The following MAP3K9 variants were observed in gnomAD, a reference collection of about 807,000 sequenced individuals.
MAP3K9 encodes the protein mitogen-activated protein kinase kinase kinase 9, also known as mixed lineage kinase 1 (tyr and ser/thr specificity).
In MAP3K9, 46 loss-of-function variants were observed where a neutral mutation model predicts 95.8. The observed-to-expected ratio is 0.48, with a 90% CI of 0.38 to 0.61. The LOEUF is 0.61. MAP3K9 is among the 20% of genes least tolerant of loss of function. MAP3K9 has a pLI of 0.00. For synonymous variants in MAP3K9, 533 were observed against 593.8 expected (o/e 0.90, Z 1.49); for missense variants, 1,296 against 1,474.3 (o/e 0.88, Z 1.98).
chr14:70,793,443 T>C (rs2054828448), intron 2 of MAP3K9, among the ~76,000 whole-genome samples: 1 of 152,036 alleles, frequency 6.6e-6, no homozygotes, highest in Non-Finnish European at 1.5e-5. Flanking sequence ...TTCCAACAGT[T>C]TGGGAGACCA....
chr14:70,728,582 G>A lies in MAP3K9; in HGVS notation c.*1798C>T, dbSNP rs527656781. The A allele has an allele frequency of 7.9e-5, 12 of 152,320 alleles. No homozygotes were observed. Among genetic ancestry groups the A allele is most frequent in the Admixed American group, 7.2e-4 (11 of 15,296 alleles). 9.4% of individuals were successfully genotyped at this position (152,320 alleles called of 1,614,324 possible). A position where few individuals can be genotyped will look rare whatever the true frequency, so the allele number is the denominator to read the frequency against. Reference sequence around the variant, plus strand: ...ACATATTGGCTTCACTGAACAAAGAGAAGGACACAGAAGAGAAGCAATAAC... The same window carrying A: ...ACATATTGGCTTCACTGAACAAAGAAAAGGACACAGAAGAGAAGCAATAAC... On this transcript the variant is annotated 3_prime_UTR_variant, in exon 12 of 12. Transcript: ENST00000554752.
Position 70,732,861 on chromosome 14 carries a change from G to A in MAP3K9, c.2508C>T (p.Ser836=), listed in dbSNP as rs1434272160. 2 of 1,613,884 alleles carry A rather than the reference G, an allele frequency of 1.2e-6. No homozygotes were observed. The highest frequency in any genetic ancestry group is 1.7e-6 in the Non-Finnish European group (2 of 1,179,862). Residue 836 remains serine, a synonymous_variant, in exon 11 of 12, where the codon TCC becomes TCT. Coordinates refer to ENST00000554752, the MANE Select transcript of MAP3K9 (RefSeq NM_001284230.2). Reference sequence around the variant, plus strand: ...AGTTGCACTCGGAGATGGAGGAGAGGGAGAGCAGCGTCAGGGAGGCAGAGG... The same window carrying A: ...AGTTGCACTCGGAGATGGAGGAGAGAGAGAGCAGCGTCAGGGAGGCAGAGG... ...GDPSASLTLL[S]LSSISECNST... is the part of the protein sequence containing the mutation.
chr14:70,769,626 C>A (rs1391364932), intron 2 of MAP3K9, among the ~76,000 whole-genome samples: 1 of 152,188 alleles, frequency 6.6e-6, no homozygotes, highest in Non-Finnish European at 1.5e-5. Flanking sequence ...AGGGAAGGAT[C>A]CTTCTTTGAC....
At position 70,728,197 on chromosome 14, in the gene MAP3K9, C is replaced by T. The variant is rs191223587; in HGVS notation, c.*2183G>A. 8.5e-3 allele frequency: 1,234 copies of T among 144,402 alleles called. 6 individuals carry two copies. Among genetic ancestry groups the T allele is most frequent in the Non-Finnish European group, 0.013 (873 of 66,860 alleles). The allele number at this position is 144,402 out of a possible 1,614,324, so 8.9% of individuals were successfully genotyped here. ...AGTGCAATGGCGCAATCTTGGCTCA[C>T]TGCAACCTCCGCCTCCCAGGTTCAA... is the stretch of plus-strand genomic sequence containing the variant. On this transcript the variant is annotated 3_prime_UTR_variant, in exon 12 of 12. Coordinates refer to ENST00000554752, the MANE Select transcript of MAP3K9 (RefSeq NM_001284230.2).
intron 3 of MAP3K9, among the ~76,000 whole-genome samples, chr14:70,759,701 A>G (rs915772389): frequency 6.6e-6 from 1 of 152,194 alleles, no homozygotes; most frequent in Non-Finnish European, 1.5e-5. Flanking sequence ...TAGGAAACTA[A>G]TAACAATGGT....
At chr14:70,784,917 T>C (rs1184321969) in intron 2 of MAP3K9, among the ~76,000 whole-genome samples, 1 of 152,166 alleles carries the variant, frequency 6.6e-6, no homozygotes, top group Non-Finnish European at 1.5e-5. Context: ...GTGGGGATGA[T>C]CTACCCCACA....
At chr14:70,751,419 A>G (rs2054225703) in intron 3 of MAP3K9, among the ~76,000 whole-genome samples, 1 of 152,242 alleles carries the variant, frequency 6.6e-6, no homozygotes, top group Non-Finnish European at 1.5e-5. Context: ...TTAAAAAATA[A>G]TAATAGGCCA....
At chr14:70,803,324 C>A (rs2054952277) in intron 1 of MAP3K9, among the ~76,000 whole-genome samples, 3 of 75,880 alleles carry the variant, frequency 4.0e-5, no homozygotes, top group South Asian at 4.9e-4. Context: ...GGAAATAAAC[C>A]AAATTCAGAT....
intron 2 of MAP3K9, among the ~76,000 whole-genome samples, chr14:70,778,267 C>T (rs969463869): frequency 2.2e-5 from 3 of 137,776 alleles, no homozygotes; most frequent in East Asian, 2.0e-4. Flanking sequence ...CACATCACCA[C>T]GCCCAGCTAT....
intron 8 of MAP3K9, among the ~76,000 whole-genome samples, chr14:70,736,515 AG>A (rs1236159955): frequency 6.6e-6 from 1 of 152,214 alleles, no homozygotes; most frequent in Non-Finnish European, 1.5e-5. Flanking sequence ...TTTCTTCAAT[AG>A]GAACTAAGAC....
At position 70,726,175 on chromosome 14, in the gene MAP3K9, G is replaced by A. The variant is rs1452815403; in HGVS notation, c.*4205C>T. On this transcript the variant is annotated 3_prime_UTR_variant, in exon 12 of 12. Coordinates refer to ENST00000554752, the MANE Select transcript of MAP3K9 (RefSeq NM_001284230.2). Reference sequence around the variant, plus strand: ...AGCTGGATGAGTTAGGATTGCTCGGGAGGTGTCTCCTTCACACAAGGGAAG... The same window carrying A: ...AGCTGGATGAGTTAGGATTGCTCGGAAGGTGTCTCCTTCACACAAGGGAAG... 5 of 152,322 alleles carry A rather than the reference G, an allele frequency of 3.3e-5. No individual in the cohort carries two copies. 9.4% of individuals were successfully genotyped at this position (152,322 alleles called of 1,614,324 possible).
chr14:70,800,585 A>T (rs1444079160), intron 2 of MAP3K9, 82 bp downstream of exon 2: 3 of 1,415,944 alleles, frequency 2.1e-6, no homozygotes, highest in Non-Finnish European at 2.9e-6. Flanking sequence ...CTAAGGTTCC[A>T]TTAGAAGTCC....
intron 5 of MAP3K9, among the ~76,000 whole-genome samples, chr14:70,746,364 C>G (rs1028396229): frequency 6.6e-6 from 1 of 152,150 alleles, no homozygotes; most frequent in South Asian, 2.1e-4. Context: ...CCTGGAGGAC[C>G]CTTAGACATG....
At position 70,759,274 on chromosome 14, in the gene MAP3K9, G is replaced by A. The variant is rs140406163; in HGVS notation, c.1001+1728C>T. On this transcript the variant is annotated intron_variant, in intron 3 of 11. Transcript: ENST00000554752. ...AGCCTGGTCAACATGGTGAAATCCC[G>A]TCTCTACTAAAAATATAAAAATTAG... Among the ~76,000 whole-genome samples, 960 of 152,060 alleles carry A rather than the reference G, an allele frequency of 6.3e-3. 9 individuals carry two copies. The highest frequency in any genetic ancestry group is 0.022 in the African/African-American group (929 of 41,488).
In MAP3K9 at chr14:70,730,242, C is replaced by T; in HGVS notation, c.*138G>A. On this transcript the variant is annotated 3_prime_UTR_variant, in exon 12 of 12. Transcript: ENST00000554752. ...CTCTGAAGTGGCCCTGTTTCCATCC[C>T]TTCCATCTTCAAAGTGCATTATCAG... 3.8e-6 allele frequency: 5 copies of T among 1,310,482 alleles called. No individual in the cohort carries two copies. Among genetic ancestry groups the T allele is most frequent in the Non-Finnish European group, 5.2e-6 (5 of 966,518 alleles). 81.2% of individuals were successfully genotyped at this position (1,310,482 alleles called of 1,614,324 possible).
At chr14:70,802,613 T>A (rs1205945176) in intron 1 of MAP3K9, among the ~76,000 whole-genome samples, 1 of 152,220 alleles carries the variant, frequency 6.6e-6, no homozygotes, top group East Asian at 1.9e-4. Flanking sequence ...AGGTCTTAAA[T>A]ATCAGTTTCA....
chr14:70,802,711 A>G (rs1303830881), intron 1 of MAP3K9, among the ~76,000 whole-genome samples: 5 of 152,166 alleles, frequency 3.3e-5, no homozygotes. Context: ...AAGAGGCATC[A>G]AGATTATAAT....
chr14:70,749,943 T>A lies in MAP3K9; in HGVS notation c.1140A>T (p.Lys380Asn). The A allele has an allele frequency of 6.2e-7, 1 of 1,614,160 alleles. No individual in the cohort carries two copies. Among genetic ancestry groups the A allele is most frequent in the South Asian group, 1.1e-5 (1 of 91,082 alleles). ...IPSTCPEPFA[K>N]LMEDCWNPDP... ...CCAGGGCTTACTTACCTTCCATGAGTTTGGCAAAAGGTTCTGGGCACGTAG... is the reference window on the plus strand; with the variant it reads ...CCAGGGCTTACTTACCTTCCATGAGATTGGCAAAAGGTTCTGGGCACGTAG... The change falls in exon 4 of 12, where the codon AAA becomes AAT. Residue 380 changes from lysine (K) to asparagine (N), a missense_variant. Around this residue, in one of 5 missense-constraint regions of MAP3K9, gnomAD observed 136 missense variants for 221.5 expected, o/e 0.61. Transcript: ENST00000554752.
At chr14:70,791,234 C>A (rs2054803678) in intron 2 of MAP3K9, among the ~76,000 whole-genome samples, 2 of 152,190 alleles carry the variant, frequency 1.3e-5, no homozygotes, top group South Asian at 4.1e-4. Flanking sequence ...CTGAACTCAA[C>A]CCCTCACCAA....
Sources: gnomAD v4.1 joint callset for allele counts (sites outside exome capture counted in the v4.1 genomes callset) on GRCh38, gnomAD v4.1.1 for gene constraint, gnomAD v4.1.1 regional missense constraint, MANE v1.5 for transcripts, NCBI Gene and HGNC (gene_info 2026-07-23, HGNC 2026-07-21) for gene names.